Variants in ECPAS observed in about 807,000 individuals in gnomAD.
The protein encoded by ECPAS is Ecm29 proteasome adaptor and scaffold.
Under a neutral mutation model 255.1 loss-of-function variants are expected in ECPAS, and 70 were observed. The ratio of observed to expected loss-of-function variants is 0.27; its 90% CI spans 0.23 to 0.33. The LOEUF (loss-of-function observed/expected upper bound fraction) is 0.33. Ranked by LOEUF, ECPAS falls within the 10% of genes least tolerant of loss-of-function variation. The pLI is 1.00. For missense variants in ECPAS, 1,817 were observed against 2,206.4 expected (o/e 0.82, Z 3.54); for synonymous variants, 784 against 775.0 (o/e 1.01, Z -0.19).
At chr9:111,438,589 G>A (rs1432078788) in intron 6 of ECPAS, among the ~76,000 whole-genome samples, 2 of 152,188 alleles carry the variant, frequency 1.3e-5, no homozygotes, top group East Asian at 1.9e-4. Flanking sequence ...GACAGACTGA[G>A]ACCCTATCTC....
intron 6 of ECPAS, 56 bp from the exon 7 acceptor site, chr9:111,437,164 A>G (rs947698263): frequency 1.7e-5 from 23 of 1,382,936 alleles, no homozygotes; most frequent in African/African-American, 1.2e-4. Flanking sequence ...TTACAACTAT[A>G]TATGTATACA....
chr9:111,440,316 T>A, intron 6 of ECPAS, 56 bp downstream of exon 6: 1 of 1,482,182 alleles, frequency 6.7e-7, no homozygotes, highest in Non-Finnish European at 9.2e-7. Flanking sequence ...AAATAGTACT[T>A]AACTCCCCGT....
intron 1 of ECPAS, chr9:111,483,645 C>T (rs2098310485): frequency 4.7e-6 from 1 of 210,698 alleles, no homozygotes; most frequent in African/African-American, 2.4e-5. Flanking sequence ...CCTCCGTTCA[C>T]TCGGCGCGGA....
chr9:111,366,106 A>T, intron 48 of ECPAS, 133 bp downstream of exon 48: 1 of 599,494 alleles, frequency 1.7e-6, no homozygotes, highest in Non-Finnish European at 3.0e-6. Flanking sequence ...GTACACATGG[A>T]GTATAATAAG....
At chr9:111,392,414 C>T (rs893247691) in intron 28 of ECPAS, among the ~76,000 whole-genome samples, 9 of 152,198 alleles carry the variant, frequency 5.9e-5, no homozygotes, top group South Asian at 2.1e-4. Flanking sequence ...CAATCCCTTA[C>T]ACAGATGATT....
intron 4 of ECPAS, among the ~76,000 whole-genome samples, chr9:111,443,034 T>G (rs1288163816): frequency 6.6e-6 from 1 of 152,164 alleles, no homozygotes; most frequent in Non-Finnish European, 1.5e-5. Flanking sequence ...ACAAAGGAAA[T>G]GCTCCTTGGG....
intron 20 of ECPAS, among the ~76,000 whole-genome samples, 161 bp downstream of exon 20, chr9:111,413,734 G>C (rs558738644): frequency 2.0e-5 from 3 of 151,968 alleles, no homozygotes; most frequent in Non-Finnish European, 4.4e-5. Context: ...ATGAGACATA[G>C]TGACCTACAT....
chr9:111,413,982 C>T lies in ECPAS; in HGVS notation c.1992G>A (p.Leu664=). The change falls in exon 20 of 50, where the codon TTG becomes TTA. Residue 664 remains leucine (L), a synonymous_variant. Coordinates refer to ENST00000684092, the MANE Select transcript of ECPAS (RefSeq NM_001364929.1). The part of the protein sequence containing the change: ...LQQLLAGVGG[L]PVMYCLLEAV... ...CTTCCAATAGACAGTACATAACCGG[C>T]AAACCTAAATAAGAATTCAGAATCA... is the stretch of plus-strand genomic sequence containing the variant. 6.4e-7 allele frequency: 1 copy of T among 1,570,362 alleles called. No homozygotes were observed. Among genetic ancestry groups the T allele is most frequent in the Non-Finnish European group, 8.6e-7 (1 of 1,156,980 alleles).
In ECPAS at chr9:111,392,870, T is replaced by C. The variant is rs1163828378; in HGVS notation, c.2990A>G (p.Asp997Gly). The stretch of plus-strand genomic sequence containing the variant: ...CAACCCAAGGCCCTTTGATGCAACA[T>C]CTTGGCTAAGTTCTACAAGAAAGTC... The part of the protein sequence containing the change: ...VLSENDELSQ[D>G]VASKGLGLVY... The change falls in exon 28 of 50, where the codon GAT (aspartate) becomes GGT (glycine). Residue 997 changes from aspartate to glycine, a missense_variant. Asp to Gly is a moderately conservative substitution (Grantham distance 94). This residue lies in a region of ECPAS where 960 missense variants were observed against 1,179.0 expected (regional missense o/e 0.81). Coordinates refer to ENST00000684092, the MANE Select transcript of ECPAS (RefSeq NM_001364929.1). The C allele has an allele frequency of 1.9e-6, 3 of 1,609,830 alleles. No individual in the cohort carries two copies. Among genetic ancestry groups the C allele is most frequent in the Non-Finnish European group, 2.5e-6 (3 of 1,178,142 alleles).
chr9:111,412,555 G>T (rs2098196340), intron 20 of ECPAS, among the ~76,000 whole-genome samples: 1 of 152,148 alleles, frequency 6.6e-6, no homozygotes. Flanking sequence ...TTTGTGTCAT[G>T]AAACATTATT....
intron 24 of ECPAS, among the ~76,000 whole-genome samples, chr9:111,398,221 A>C (rs903502384): frequency 4.6e-5 from 7 of 152,192 alleles, no homozygotes; most frequent in African/African-American, 1.7e-4. Context: ...TGAGGAAAAA[A>C]GATTTAAAGG....
chr9:111,371,528 T>C (rs1331002698), intron 43 of ECPAS, 93 bp downstream of exon 43: 4 of 1,150,858 alleles, frequency 3.5e-6, no homozygotes, highest in East Asian at 2.4e-5. Flanking sequence ...AAATAATCCA[T>C]TGGAAAAGTT....
intron 2 of ECPAS, among the ~76,000 whole-genome samples, chr9:111,458,646 G>C (rs1404557100): frequency 1.3e-5 from 2 of 151,874 alleles, no homozygotes; most frequent in African/African-American, 4.8e-5. Context: ...AGGGAGAGGA[G>C]GGTGGGGGGG....
Position 111,444,419 on chromosome 9 carries a change from A to C in ECPAS, c.229T>G (p.Leu77Val), listed in dbSNP as rs2098250092. The change falls in exon 4 of 50, where the codon TTG becomes GTG. Residue 77 changes from leucine to valine, a missense_variant. Physicochemically the swap from Leu to Val is conservative, Grantham distance 32 (BLOSUM62 1). Transcript: ENST00000684092. ...PKIQLPVETL[L>V]VQYQDPAAVS... ...GCAGCAGGGTCCTGGTACTGAACCA[A>C]CAGTGTCTCTACTGGAAGTTGTATT... The C allele has an allele frequency of 6.2e-7, 1 of 1,613,792 alleles. No individual in the cohort carries two copies. Among genetic ancestry groups the C allele is most frequent in the Non-Finnish European group, 8.5e-7 (1 of 1,179,816 alleles).
chr9:111,458,491 A>G (rs772326335), intron 2 of ECPAS, among the ~76,000 whole-genome samples: 30 of 152,258 alleles, frequency 2.0e-4, no homozygotes, highest in South Asian at 4.2e-4. Context: ...GATAACTTAC[A>G]CTGAGGAAGT....
At chr9:111,362,253 G>C (rs1475343110) in intron 49 of ECPAS, 84 bp from the exon 50 acceptor site, 3 of 1,212,116 alleles carry the variant, frequency 2.5e-6, no homozygotes, top group Non-Finnish European at 3.4e-6. Context: ...TATAGAACAA[G>C]CAAGAAAAAA....
At chr9:111,416,800 A>C (rs2098204300) in intron 17 of ECPAS, among the ~76,000 whole-genome samples, 2 of 152,144 alleles carry the variant, frequency 1.3e-5, no homozygotes, top group South Asian at 4.1e-4. Context: ...TCACCAGTGG[A>C]GGTAAAAGGT....
chr9:111,428,877 ACAT>A (rs761414539), intron 9 of ECPAS, among the ~76,000 whole-genome samples: 17 of 152,200 alleles, frequency 1.1e-4, no homozygotes, highest in Non-Finnish European at 2.4e-4. Flanking sequence ...TGCTTTTGTA[ACAT>A]CATTCTTCAT....
chr9:111,392,229 G>C (rs1313219190), intron 28 of ECPAS, among the ~76,000 whole-genome samples: 1 of 152,136 alleles, frequency 6.6e-6, no homozygotes, highest in Non-Finnish European at 1.5e-5. Flanking sequence ...AACAGAGCAA[G>C]ACTACAACAA....
Sources: gnomAD v4.1 joint callset for allele counts (sites outside exome capture counted in the v4.1 genomes callset) on GRCh38, gnomAD v4.1.1 for gene constraint, gnomAD v4.1.1 regional missense constraint, MANE v1.5 for transcripts, NCBI Gene and HGNC (gene_info 2026-07-23, HGNC 2026-07-21) for gene names.